FUT8: variants seen among roughly 807,000 people sequenced by gnomAD.
FUT8 encodes the protein alpha-(1,6)-fucosyltransferase.
Under a neutral mutation model 71.3 loss-of-function variants are expected in FUT8, and 29 were observed. The observed-to-expected ratio is 0.41, with a 90% CI of 0.30 to 0.55. The LOEUF (loss-of-function observed/expected upper bound fraction) is 0.55. Among genes scored for constraint, FUT8 ranks in the 20% least tolerant of loss-of-function variants. The pLI is 0.34. For synonymous variants in FUT8, 254 were observed against 239.3 expected, an observed-to-expected ratio of 1.06 and a Z score of -0.57; for missense variants, 544 against 702.1, an observed-to-expected ratio of 0.77 and a Z score of 2.55.
chr14:65,523,416 A>G (rs181784448), intron 2 of FUT8, among the ~76,000 whole-genome samples: 8 of 130,900 alleles, frequency 6.1e-5, no homozygotes, highest in Non-Finnish European at 9.3e-5. Context: ...TTTTTTGATG[A>G]GGTTGTTTGT....
chr14:65,571,936 A>C (rs1349996058), intron 3 of FUT8, among the ~76,000 whole-genome samples: 2 of 152,164 alleles, frequency 1.3e-5, no homozygotes, highest in Non-Finnish European at 2.9e-5. Flanking sequence ...TTTACACAGA[A>C]GATAAAAGGT....
At chr14:65,469,258 C>T (rs1319778921) in intron 2 of FUT8, among the ~76,000 whole-genome samples, 3 of 152,090 alleles carry the variant, frequency 2.0e-5, no homozygotes, top group African/African-American at 7.2e-5. Context: ...AGTCTGTTTC[C>T]GAGGCTTGCT....
intron 7 of FUT8, among the ~76,000 whole-genome samples, chr14:65,695,558 T>A (rs1490986507): frequency 6.6e-6 from 1 of 152,172 alleles, no homozygotes; most frequent in Non-Finnish European, 1.5e-5. Flanking sequence ...ACTCTAGCTT[T>A]CTTTTGATTT....
intron 1 of FUT8, among the ~76,000 whole-genome samples, chr14:65,430,990 A>ATT (rs5809273): frequency 0.011 from 1,456 of 126,990 alleles, 12 homozygotes; most frequent in South Asian, 0.02. Context: ...TTTTCTACTA[A>ATT]TTTTTTTTTT....
chr14:65,358,997 C>A, the FUT8 span, among the ~76,000 whole-genome samples: 1 of 152,154 alleles, frequency 6.6e-6, no homozygotes, highest in Non-Finnish European at 1.5e-5. Context: ...AATAATTATT[C>A]TTTAATATTA....
At chr14:65,500,757 C>A (rs1303330168) in intron 2 of FUT8, among the ~76,000 whole-genome samples, 3 of 152,076 alleles carry the variant, frequency 2.0e-5, no homozygotes, top group Admixed American at 2.0e-4. Flanking sequence ...ACTGCTGTAA[C>A]AAAACTGAAC....
At chr14:65,415,673 A>G (rs2065208958) in intron 1 of FUT8, among the ~76,000 whole-genome samples, 1 of 148,260 alleles carries the variant, frequency 6.7e-6, no homozygotes, top group Non-Finnish European at 1.5e-5. Flanking sequence ...TCAAAAGTAG[A>G]TATAATTCCT....
the FUT8 span, among the ~76,000 whole-genome samples, chr14:65,382,749 C>T: frequency 1.4e-4 from 21 of 152,280 alleles, no homozygotes; most frequent in African/African-American, 4.8e-4. Context: ...GAATGAGAAC[C>T]ACAGCTCTAG....
intron 3 of FUT8, among the ~76,000 whole-genome samples, chr14:65,563,543 C>CT (rs1188033567): frequency 1.3e-5 from 2 of 151,948 alleles, no homozygotes; most frequent in Non-Finnish European, 2.9e-5. Flanking sequence ...ACCTAAACAT[C>CT]TTAGGTATGA....
At chr14:65,357,061 C>T in the FUT8 span, among the ~76,000 whole-genome samples, 4 of 152,294 alleles carry the variant, frequency 2.6e-5, no homozygotes, top group East Asian at 1.9e-4. Context: ...CTTACTCTGG[C>T]GGGAGCCAGG....
chr14:65,623,291 T>TA lies in FUT8; in HGVS notation c.483-6199dup, dbSNP rs558680186. Among the ~76,000 whole-genome samples the TA allele has an allele frequency of 2.4e-3, 366 of 152,108 alleles. 7 individuals are homozygous for TA. In the East Asian group the frequency reaches 0.064, roughly 27 times the overall value. On this transcript the variant is annotated intron_variant, in intron 5 of 10. Transcript: ENST00000673929. ...AGGCAGACTAGAAGTCTTTTTTTTTTAATAGTTTTATGACTATTGAAATAG... is the reference window on the plus strand; with the variant it reads ...AGGCAGACTAGAAGTCTTTTTTTTTTAAATAGTTTTATGACTATTGAAATAG...
chr14:65,600,037 G>A (rs958813574), intron 3 of FUT8, among the ~76,000 whole-genome samples: 12 of 152,076 alleles, frequency 7.9e-5, no homozygotes, highest in African/African-American at 2.4e-4. Context: ...TCAGAAAACC[G>A]ATAGATTTTA....
chr14:65,519,991 C>T (rs887798880), intron 2 of FUT8, among the ~76,000 whole-genome samples: 2 of 152,088 alleles, frequency 1.3e-5, no homozygotes, highest in African/African-American at 4.8e-5. Context: ...GTTGCCCAGG[C>T]TGGTCTCAGA....
intron 7 of FUT8, among the ~76,000 whole-genome samples, chr14:65,677,381 T>G (rs1250078404): frequency 4.6e-5 from 7 of 152,010 alleles, no homozygotes; most frequent in Admixed American, 2.6e-4. Flanking sequence ...TAGAGTTGAG[T>G]CTTCCACCTC....
At chr14:65,616,186 A>G (rs942800974) in intron 4 of FUT8, 25 bp from the exon 5 acceptor site, 10 of 1,599,410 alleles carry the variant, frequency 6.3e-6, no homozygotes, top group African/African-American at 4.1e-5. Context: ...TGGAAATGCT[A>G]CAACTCTCTA....
intron 2 of FUT8, among the ~76,000 whole-genome samples, chr14:65,530,350 T>G (rs539249129): frequency 6.6e-6 from 1 of 152,326 alleles, no homozygotes; most frequent in East Asian, 1.9e-4. Flanking sequence ...ATTTTCAATG[T>G]CAGATCATCA....
intron 2 of FUT8, among the ~76,000 whole-genome samples, chr14:65,507,356 G>A (rs1038127388): frequency 6.6e-6 from 1 of 152,062 alleles, no homozygotes; most frequent in Non-Finnish European, 1.5e-5. Context: ...TTGAACCCCA[G>A]TAATTGATTA....
At position 65,742,400 on chromosome 14, in the gene FUT8, C is replaced by T. The variant is rs776785789; in HGVS notation, c.1718C>T (p.Ala573Val). 1.2e-6 allele frequency: 2 copies of T among 1,610,380 alleles called. No homozygotes were observed. Among genetic ancestry groups the T allele is most frequent in the Admixed American group, 3.4e-5 (2 of 59,686 alleles). ...GTCAAGTACCCCACATATCCTGAGG[C>T]TGAGAAATAAAGCTCAGATGGAAGA... The part of the protein sequence containing the change: ...ETVKYPTYPE[A>V]EK Residue 573 changes from alanine (A) to valine (V), a missense_variant, in exon 11 of 11, where the codon GCT becomes GTT. Coordinates refer to ENST00000673929, the MANE Select transcript of FUT8 (RefSeq NM_001371533.1).
At chr14:65,511,711 TCTC>T (rs1325861093) in intron 2 of FUT8, among the ~76,000 whole-genome samples, 1 of 152,200 alleles carries the variant, frequency 6.6e-6, no homozygotes, top group Non-Finnish European at 1.5e-5. Context: ...AAATATAGCT[TCTC>T]CTACTCTGTT....
Sources: gnomAD v4.1 joint callset for allele counts (sites outside exome capture counted in the v4.1 genomes callset) on GRCh38, gnomAD v4.1.1 for gene constraint, MANE v1.5 for transcripts, NCBI Gene and HGNC (gene_info 2026-07-23, HGNC 2026-07-21) for gene names.